The following NPTN variants were observed in gnomAD, a reference collection of about 807,000 sequenced individuals.
The protein encoded by NPTN is SDR-1.
Under a neutral mutation model 42.7 loss-of-function variants are expected in NPTN, and 5 were observed. The observed-to-expected ratio is 0.12, with a 90% CI of 0.06 to 0.25. The LOEUF is 0.25. Ranked by LOEUF, NPTN falls within the 10% of genes least tolerant of loss-of-function variation. The pLI is 1.00. For synonymous variants in NPTN, 180 were observed against 201.9 expected, an observed-to-expected ratio of 0.89 and a Z score of 0.92; for missense variants, 307 against 525.4, an observed-to-expected ratio of 0.58 and a Z score of 4.06.
intron 6 of NPTN, chr15:73,567,140 A>G (rs1388846997): frequency 3.0e-6 from 3 of 984,272 alleles, no homozygotes; most frequent in Non-Finnish European, 3.6e-6. Flanking sequence ...GTGCTTTTAT[A>G]CTTTTGTATT....
chr15:73,573,435 A>C (rs1280529291), intron 5 of NPTN, among the ~76,000 whole-genome samples: 1 of 152,190 alleles, frequency 6.6e-6, no homozygotes, highest in Non-Finnish European at 1.5e-5. Flanking sequence ...TGAGCAATCT[A>C]ATCTCTTACC....
intron 3 of NPTN, among the ~76,000 whole-genome samples, chr15:73,589,844 C>G (rs1460858838): frequency 6.6e-6 from 1 of 151,960 alleles, no homozygotes; most frequent in African/African-American, 2.4e-5. Flanking sequence ...GACACCATGC[C>G]TCTTCTTAAA....
intron 4 of NPTN, 40 bp from the exon 5 acceptor site, chr15:73,573,835 C>T (rs1318027798): frequency 6.2e-7 from 1 of 1,601,300 alleles, no homozygotes; most frequent in African/African-American, 1.3e-5. Flanking sequence ...CGGAAGTCTA[C>T]TCCAAACAGG....
chr15:73,626,147 G>A (rs544256200), intron 1 of NPTN, among the ~76,000 whole-genome samples: 3 of 152,318 alleles, frequency 2.0e-5, no homozygotes, highest in Non-Finnish European at 4.4e-5. Context: ...ATAGTTAAGT[G>A]TGTTTCATTG....
At chr15:73,566,499 GT>G (rs1216980601) in intron 6 of NPTN, among the ~76,000 whole-genome samples, 1 of 152,198 alleles carries the variant, frequency 6.6e-6, no homozygotes. Context: ...ATCAGCTCCT[GT>G]TTTAATTTGC....
intron 6 of NPTN, chr15:73,568,037 A>C (rs915350250): frequency 1.0e-5 from 10 of 985,296 alleles, no homozygotes; most frequent in African/African-American, 7.0e-5. Context: ...AGCTGTTCAG[A>C]TTTGCTGGCC....
intron 1 of NPTN, among the ~76,000 whole-genome samples, chr15:73,618,239 G>C (rs373425862): frequency 6.6e-6 from 1 of 152,012 alleles, no homozygotes; most frequent in South Asian, 2.1e-4. Flanking sequence ...GAGAAACATG[G>C]GCATTATGAC....
intron 1 of NPTN, among the ~76,000 whole-genome samples, chr15:73,598,646 A>C (rs559624414): frequency 1.5e-4 from 23 of 152,208 alleles, no homozygotes; most frequent in Non-Finnish European, 2.4e-4. Context: ...AAAAGAGGGC[A>C]TTCTGATTGG....
intron 7 of NPTN, among the ~76,000 whole-genome samples, chr15:73,563,009 G>T (rs1336611733): frequency 6.6e-6 from 1 of 150,974 alleles, no homozygotes; most frequent in African/African-American, 2.4e-5. Context: ...AAAGTTTTTT[G>T]CATGGTATTC....
chr15:73,611,536 C>G (rs1897579990), intron 1 of NPTN, among the ~76,000 whole-genome samples: 1 of 151,978 alleles, frequency 6.6e-6, no homozygotes, highest in African/African-American at 2.4e-5. Flanking sequence ...ATATGACATT[C>G]TGAAAAAGGC....
intron 1 of NPTN, among the ~76,000 whole-genome samples, chr15:73,622,061 G>C (rs369885041): frequency 6.6e-5 from 10 of 152,094 alleles, no homozygotes; most frequent in Admixed American, 2.0e-4. Context: ...TGAGGCAGGA[G>C]AATCACTCGA....
chr15:73,622,333 T>C (rs1007575954), intron 1 of NPTN, among the ~76,000 whole-genome samples: 3 of 152,148 alleles, frequency 2.0e-5, no homozygotes, highest in Non-Finnish European at 4.4e-5. Context: ...TATACCTTTT[T>C]CTTCTTCCAA....
rs183877656 is a variant in NPTN at position 73,575,408 on chromosome 15, C to T, written c.707-1613G>A. Reference sequence around the variant, plus strand: ...TTGGGATTACAGGCGTGAGCCACCACGCCCAGCCGGGTTACAGTAATCTGA... The same window carrying T: ...TTGGGATTACAGGCGTGAGCCACCATGCCCAGCCGGGTTACAGTAATCTGA... On this transcript the variant is annotated intron_variant, in intron 4 of 8. Coordinates refer to ENST00000345330, the MANE Select transcript of NPTN (RefSeq NM_012428.4). Among the ~76,000 whole-genome samples the T allele has an allele frequency of 7.2e-5, 11 of 152,358 alleles. No homozygotes were observed. The East Asian group carries it at 2.1e-3, about 29-fold the overall frequency.
intron 1 of NPTN, among the ~76,000 whole-genome samples, chr15:73,604,831 A>G (rs1239332423): frequency 6.6e-6 from 1 of 152,212 alleles, no homozygotes; most frequent in African/African-American, 2.4e-5. Flanking sequence ...CTATTAGGTA[A>G]AGAATGATCT....
chr15:73,567,479 T>C, intron 6 of NPTN: 2 of 985,318 alleles, frequency 2.0e-6, no homozygotes, highest in Non-Finnish European at 2.4e-6. Context: ...TACGTATATA[T>C]CTATATGAAA....
intron 6 of NPTN, among the ~76,000 whole-genome samples, chr15:73,564,707 C>T (rs16958010): frequency 6.6e-6 from 1 of 152,078 alleles, no homozygotes; most frequent in Non-Finnish European, 1.5e-5. Flanking sequence ...AGCCTAAATT[C>T]TCCCCTCACA....
intron 1 of NPTN, among the ~76,000 whole-genome samples, chr15:73,620,952 T>G (rs888900327): frequency 6.6e-6 from 1 of 152,230 alleles, no homozygotes; most frequent in Non-Finnish European, 1.5e-5. Flanking sequence ...TTAGAGTTAC[T>G]TACCCTTATT....
intron 4 of NPTN, among the ~76,000 whole-genome samples, chr15:73,582,906 G>A (rs1446120429): frequency 3.3e-5 from 5 of 152,096 alleles, no homozygotes; most frequent in South Asian, 4.1e-4. Flanking sequence ...TCAAACATCG[G>A]ACTCCAAGTT....
intron 6 of NPTN, chr15:73,566,927 A>C (rs891443791): frequency 1.4e-6 from 1 of 707,064 alleles, no homozygotes; most frequent in Non-Finnish European, 1.7e-6. Context: ...AGGGGACTAA[A>C]GGAATGCAGG....
Sources: gnomAD v4.1 joint callset for allele counts (sites outside exome capture counted in the v4.1 genomes callset) on GRCh38, gnomAD v4.1.1 for gene constraint, MANE v1.5 for transcripts, NCBI Gene and HGNC (gene_info 2026-07-23, HGNC 2026-07-21) for gene names.